Variants in SNRK observed in about 807,000 individuals in gnomAD.
The protein encoded by SNRK is SNF-related serine/threonine-protein kinase.
A neutral mutation model predicts 48.2 loss-of-function variants in SNRK; 3 were observed. The observed-to-expected ratio is 0.06, with a 90% confidence interval of 0.03 to 0.16. The LOEUF (loss-of-function observed/expected upper bound fraction) is 0.16, where lower values mean the gene tolerates loss of function less well. Ranked by LOEUF, SNRK falls within the 10% of genes least tolerant of loss-of-function variation. The pLI, the probability that SNRK is intolerant of heterozygous loss-of-function variation, is 1.00. For missense variants in SNRK, 627 were observed against 976.0 expected (o/e 0.64, Z 4.76); for synonymous variants, 376 against 366.1 (o/e 1.03, Z -0.31).
intron 1 of SNRK, among the ~76,000 whole-genome samples, chr3:43,293,826 G>A (rs1438441939): frequency 6.6e-6 from 1 of 152,076 alleles, no homozygotes; most frequent in Non-Finnish European, 1.5e-5. Flanking sequence ...GGCTGAGGCA[G>A]GAGAATTGTT....
intron 4 of SNRK, among the ~76,000 whole-genome samples, chr3:43,339,861 A>ATATATATG (rs2091221308): frequency 7.8e-5 from 5 of 64,510 alleles, no homozygotes; most frequent in African/African-American, 1.9e-4. Context: ...ATATATATAT[A>ATATATATG]TATATATATA....
At chr3:43,291,994 A>G (rs1334653783) in intron 1 of SNRK, among the ~76,000 whole-genome samples, 1 of 152,266 alleles carries the variant, frequency 6.6e-6, no homozygotes. Flanking sequence ...ATTAAATGAT[A>G]TAATGTAAAA....
At chr3:43,345,299 C>T (rs1463800329) in intron 6 of SNRK, among the ~76,000 whole-genome samples, 1 of 152,090 alleles carries the variant, frequency 6.6e-6, no homozygotes, top group Admixed American at 6.6e-5. Flanking sequence ...CCCTTGGTTC[C>T]ATTGCTGGGT....
At chr3:43,331,255 G>A (rs1252705914) in intron 3 of SNRK, among the ~76,000 whole-genome samples, 1 of 152,130 alleles carries the variant, frequency 6.6e-6, no homozygotes, top group East Asian at 1.9e-4. Context: ...GATTTGTGAT[G>A]CCTTTCCTAA....
chr3:43,289,676 C>G (rs1395181931), intron 1 of SNRK: 1 of 152,602 alleles, frequency 6.6e-6, no homozygotes, highest in African/African-American at 2.4e-5. Context: ...AGGGAAGGAA[C>G]CTGTCTAAAG....
intron 3 of SNRK, among the ~76,000 whole-genome samples, chr3:43,323,924 C>T (rs891598836): frequency 1.3e-5 from 2 of 152,070 alleles, no homozygotes; most frequent in African/African-American, 4.8e-5. Flanking sequence ...AGGGGCTGGG[C>T]TTGGGGAAGG....
Position 43,332,156 on chromosome 3 carries a change from CT to C in SNRK, c.590-10del. 6.6e-7 allele frequency: 1 copy of C among 1,526,082 alleles called. No individual in the cohort carries two copies. Among genetic ancestry groups the C allele is most frequent in the Non-Finnish European group, 8.8e-7 (1 of 1,138,322 alleles). 94.5% of individuals were successfully genotyped at this position (1,526,082 alleles called of 1,614,324 possible). On this transcript the variant is annotated splice_polypyrimidine_tract_variant and intron_variant, in intron 3 of 6. Transcript: ENST00000296088. ...ATTAGTCCAATATTTTAAAGTATGTCTTTGATTTATAGATATTTGGAGTCTG... is the reference window on the plus strand; with the variant it reads ...ATTAGTCCAATATTTTAAAGTATGTCTTGATTTATAGATATTTGGAGTCTG...
intron 1 of SNRK, chr3:43,289,874 A>G (rs986513941): frequency 2.0e-5 from 3 of 152,616 alleles, no homozygotes; most frequent in African/African-American, 7.2e-5. Context: ...GGCTACTCAA[A>G]AGTTACTTCA....
intron 4 of SNRK, among the ~76,000 whole-genome samples, chr3:43,334,113 T>C (rs2091168837): frequency 6.6e-6 from 1 of 152,170 alleles, no homozygotes; most frequent in South Asian, 2.1e-4. Context: ...GCCACTGCAC[T>C]CCAGCCTGGG....
intron 3 of SNRK, among the ~76,000 whole-genome samples, chr3:43,309,815 T>C (rs760740074): frequency 6.6e-6 from 1 of 152,072 alleles, no homozygotes; most frequent in Non-Finnish European, 1.5e-5. Flanking sequence ...AGAGTCTTAC[T>C]ATGTTGCCTG....
intron 3 of SNRK, among the ~76,000 whole-genome samples, chr3:43,308,345 G>A (rs937359237): frequency 2.0e-5 from 3 of 152,176 alleles, no homozygotes; most frequent in African/African-American, 4.8e-5. Flanking sequence ...GCCTTCTATT[G>A]GAAGAAGATC....
chr3:43,339,821 ATATATATATATAT>A (rs2091220057), intron 4 of SNRK, among the ~76,000 whole-genome samples: 2 of 2,622 alleles, frequency 7.6e-4, no homozygotes, highest in Non-Finnish European at 1.4e-3. Flanking sequence ...TTTCCAAAAT[ATATATATATATAT>A]ATATATATAT....
At position 43,303,762 on chromosome 3, in the gene SNRK, C is replaced by A. The variant is rs2090914990; in HGVS notation, c.559C>A (p.Leu187Ile). 3 of 1,613,536 alleles carry A rather than the reference C, an allele frequency of 1.9e-6. No individual in the cohort carries two copies. The highest frequency in any genetic ancestry group is 2.5e-6 in the Non-Finnish European group (3 of 1,179,832). ...SLAYSAPEILLGDEYDAPAVD... is the reference protein window; with the variant it reads ...SLAYSAPEILIGDEYDAPAVD... Reference sequence around the variant, plus strand: ...TGCATATTCCGCTCCAGAAATTCTGCTTGGTGATGAGTATGATGCACCTGC... The same window carrying A: ...TGCATATTCCGCTCCAGAAATTCTGATTGGTGATGAGTATGATGCACCTGC... Residue 187 changes from leucine (L) to isoleucine (I), a missense_variant, in exon 3 of 7, where the codon CTT becomes ATT. Leu to Ile is a conservative substitution (Grantham distance 5, BLOSUM62 2). Coordinates refer to ENST00000296088, the MANE Select transcript of SNRK (RefSeq NM_017719.5). The surrounding 1 kb of genome is among the most constrained non-coding windows in gnomAD (Gnocchi z 6.2).
intron 3 of SNRK, among the ~76,000 whole-genome samples, chr3:43,309,727 G>C (rs183976400): frequency 6.6e-6 from 1 of 151,312 alleles, no homozygotes; most frequent in Non-Finnish European, 1.5e-5. Flanking sequence ...AGCAATCCTC[G>C]CACTTCAGCC....
intron 3 of SNRK, among the ~76,000 whole-genome samples, chr3:43,329,375 T>C (rs1200807733): frequency 1.3e-5 from 2 of 151,832 alleles, no homozygotes; most frequent in Non-Finnish European, 2.9e-5. Flanking sequence ...GAGGCAGAGC[T>C]TACAGTGAGC....
At chr3:43,330,359 C>T (rs1044256158) in intron 3 of SNRK, among the ~76,000 whole-genome samples, 2 of 152,106 alleles carry the variant, frequency 1.3e-5, no homozygotes, top group African/African-American at 4.8e-5. Flanking sequence ...ATTTACTTTA[C>T]AGTGAATTTC....
chr3:43,308,785 T>C (rs1381700211), intron 3 of SNRK, among the ~76,000 whole-genome samples: 1 of 152,236 alleles, frequency 6.6e-6, no homozygotes, highest in Non-Finnish European at 1.5e-5. Context: ...AGGAGTAATT[T>C]TGACTTCCAA....
intron 3 of SNRK, among the ~76,000 whole-genome samples, chr3:43,326,270 C>T (rs2091095825): frequency 6.6e-6 from 1 of 151,938 alleles, no homozygotes; most frequent in African/African-American, 2.4e-5. Context: ...TTCTTCTTAG[C>T]TTTGTGTATG....
rs1339289748 is a variant in SNRK, at chr3:43,350,245, C to T, written c.*1688C>T. 6.6e-6 allele frequency: 1 copy of T among 152,538 alleles called. No homozygotes were observed. Among genetic ancestry groups the T allele is most frequent in the Admixed American group, 6.5e-5 (1 of 15,280 alleles). The allele number at this position is 152,538 out of a possible 1,614,324, so 9.4% of individuals were successfully genotyped here. On this transcript the variant is annotated 3_prime_UTR_variant, in exon 7 of 7. Coordinates refer to ENST00000296088, the MANE Select transcript of SNRK (RefSeq NM_017719.5). ...ATGAGAATAGATGTGTGGGTGAAGCCATAGAACATATTTGCTTGAAATTCT... is the reference window on the plus strand; with the variant it reads ...ATGAGAATAGATGTGTGGGTGAAGCTATAGAACATATTTGCTTGAAATTCT...
Sources: gnomAD v4.1 joint callset for allele counts (sites outside exome capture counted in the v4.1 genomes callset) on GRCh38, gnomAD v4.1.1 for gene constraint, Gnocchi (gnomAD v3.1) non-coding constraint, MANE v1.5 for transcripts, NCBI Gene and HGNC (gene_info 2026-07-23, HGNC 2026-07-21) for gene names.